The following ITGA11 variants were observed in gnomAD, a reference collection of about 807,000 sequenced individuals.
The protein encoded by ITGA11 is integrin subunit alpha 11.
A neutral mutation model predicts 141.9 loss-of-function variants in ITGA11; 97 were observed. That is an observed-to-expected ratio of 0.68 (90% CI 0.58 to 0.81). The LOEUF is 0.81. ITGA11 is among the 30% of genes least tolerant of loss of function. The pLI, the probability that ITGA11 is intolerant of heterozygous loss-of-function variation, is 0.00. For missense variants in ITGA11, 1,387 were observed against 1,559.2 expected (o/e 0.89, Z 1.86); for synonymous variants, 658 against 624.6 (o/e 1.05, Z -0.80).
At chr15:68,337,425 G>A (rs12908869) in intron 11 of ITGA11, among the ~76,000 whole-genome samples, 72,448 of 152,008 alleles carry the variant, frequency 0.48, 19,705 homozygotes, top group Middle Eastern at 0.67. Flanking sequence ...CCCCTGTAGG[G>A]CTCCTCTCCC....
chr15:68,315,074 T>C (rs746264815), intron 22 of ITGA11, among the ~76,000 whole-genome samples: 17 of 151,972 alleles, frequency 1.1e-4, no homozygotes, highest in African/African-American at 3.9e-4. Flanking sequence ...GACAGACAGA[T>C]AGACAGGAAG....
intron 7 of ITGA11, among the ~76,000 whole-genome samples, chr15:68,355,697 T>C (rs190420220): frequency 1.3e-5 from 2 of 152,222 alleles, no homozygotes; most frequent in East Asian, 3.9e-4. Context: ...TCCTCCCACC[T>C]CAGCCTCCCA....
chr15:68,329,649 G>C (rs117679668), intron 15 of ITGA11, among the ~76,000 whole-genome samples: 1 of 152,202 alleles, frequency 6.6e-6, no homozygotes, highest in Non-Finnish European at 1.5e-5. Flanking sequence ...GCTAGGTTCT[G>C]TGTACCTCCT....
chr15:68,384,316 A>G (rs1895932488), intron 2 of ITGA11, among the ~76,000 whole-genome samples: 1 of 152,024 alleles, frequency 6.6e-6, no homozygotes, highest in Non-Finnish European at 1.5e-5. Context: ...GAAGAGGAAA[A>G]AAAATCACCC....
Position 68,410,926 on chromosome 15 carries a change from G to A in ITGA11, c.53-7897C>T, listed in dbSNP as rs977875926. On this transcript the variant is annotated intron_variant, in intron 1 of 29. Transcript: ENST00000315757. ...GGAGAAGCAGGGATACTGCCCTTGG[G>A]GACCTGCTGCTCTCATAGGAGACCT... Among the ~76,000 whole-genome samples, 6 of 152,176 alleles carry A rather than the reference G, an allele frequency of 3.9e-5. No individual in the cohort carries two copies. In the East Asian group the frequency reaches 1.2e-3, roughly 29 times the overall value.
chr15:68,394,777 T>TA (rs1336963617), intron 2 of ITGA11, among the ~76,000 whole-genome samples: 1 of 152,094 alleles, frequency 6.6e-6, no homozygotes, highest in African/African-American at 2.4e-5. Context: ...ATTGAAAAGA[T>TA]AATAGGAGGC....
At chr15:68,387,621 TTC>T (rs1188664152) in intron 2 of ITGA11, among the ~76,000 whole-genome samples, 4 of 152,180 alleles carry the variant, frequency 2.6e-5, no homozygotes, top group Non-Finnish European at 5.9e-5. Flanking sequence ...ACTGGAGATT[TTC>T]TGTGTGTGTT....
Position 68,406,189 on chromosome 15 carries a change from T to C in ITGA11, c.53-3160A>G, listed in dbSNP as rs546657114. 4.6e-5 allele frequency among the ~76,000 whole-genome samples: 7 copies of C among 152,266 alleles called. No homozygotes were observed. The South Asian group carries it at 1.2e-3, about 27-fold the overall frequency. Reference sequence around the variant, plus strand: ...TCTATCAGTGCTTGTTGTGCAACCATGGCCAGAGGGACCCTTCCAAGACCT... The same window carrying C: ...TCTATCAGTGCTTGTTGTGCAACCACGGCCAGAGGGACCCTTCCAAGACCT... On this transcript the variant is annotated intron_variant, in intron 1 of 29. Transcript: ENST00000315757.
chr15:68,386,951 C>T (rs1367181500), intron 2 of ITGA11, among the ~76,000 whole-genome samples: 1 of 151,788 alleles, frequency 6.6e-6, no homozygotes, highest in Non-Finnish European at 1.5e-5. Flanking sequence ...TGGCCGCCCC[C>T]TCACCCCCTA....
intron 11 of ITGA11, among the ~76,000 whole-genome samples, chr15:68,336,452 A>G (rs901375738): frequency 6.6e-6 from 1 of 152,152 alleles, no homozygotes. Flanking sequence ...TGTCAGCCCC[A>G]TACATACAGC....
Position 68,305,384 on chromosome 15 carries a change from A to G in ITGA11, c.3382-1499T>C, listed in dbSNP as rs1893159519. On this transcript the variant is annotated intron_variant, in intron 28 of 29. Coordinates refer to ENST00000315757, the MANE Select transcript of ITGA11 (RefSeq NM_001004439.2). The surrounding 1 kb of genome is among the most constrained non-coding windows in gnomAD (Gnocchi z 4.6). The stretch of plus-strand genomic sequence containing the variant: ...TCTGGGTAGCCCTTATCACCAGTTG[A>G]TAACGTTTATATTTATGTTTATTGC... Among the ~76,000 whole-genome samples, 1 of 152,144 alleles carries G rather than the reference A, an allele frequency of 6.6e-6. No individual in the cohort carries two copies. Among genetic ancestry groups the G allele is most frequent in the South Asian group, 2.1e-4 (1 of 4,820 alleles).
Position 68,321,458 on chromosome 15 carries a change from C to T in ITGA11, c.2368G>A (p.Asp790Asn). 1 of 1,594,340 alleles carries T rather than the reference C, an allele frequency of 6.3e-7. No individual in the cohort carries two copies. Residue 790 changes from aspartate to asparagine, a missense_variant, in exon 19 of 30, where the codon GAC (aspartate) becomes AAC (asparagine). Transcript: ENST00000315757. The surrounding 1 kb of genome is among the most constrained non-coding windows in gnomAD (Gnocchi z 4.9). ...TCACTCCGGGCATCCAACACAAGGT[C>T]AGGGACACAGTGCTCATCCTCATTG... is the stretch of plus-strand genomic sequence containing the variant. ...GCNEDEHCVP[D>N]LVLDARSDLP... is the part of the protein sequence containing the mutation.
intron 1 of ITGA11, among the ~76,000 whole-genome samples, chr15:68,418,265 G>T (rs1400015413): frequency 6.6e-6 from 1 of 152,122 alleles, no homozygotes; most frequent in Non-Finnish European, 1.5e-5. Context: ...TAAATGAGAC[G>T]GAAAAAATGA....
At chr15:68,358,860 C>T (rs980632654) in intron 5 of ITGA11, among the ~76,000 whole-genome samples, 5 of 152,236 alleles carry the variant, frequency 3.3e-5, no homozygotes, top group Admixed American at 6.5e-5. Flanking sequence ...CACTACCAAT[C>T]GGCCAACGCT....
At chr15:68,409,155 C>T (rs942338371) in intron 1 of ITGA11, among the ~76,000 whole-genome samples, 49 of 152,184 alleles carry the variant, frequency 3.2e-4, no homozygotes, top group African/African-American at 1.1e-3. Context: ...TTCTTCCCTT[C>T]GTCCTACGCT....
In ITGA11 at chr15:68,328,732, CT is replaced by C. The variant is rs1271351572; in HGVS notation, c.1902-471del. On this transcript the variant is annotated intron_variant, in intron 15 of 29. Coordinates refer to ENST00000315757, the MANE Select transcript of ITGA11 (RefSeq NM_001004439.2). This position sits in a 1 kb window ranked among gnomAD's most constrained non-coding sequence, Gnocchi z 4.8. ...AAATTTTCATATGTGTGCACGCCCC[CT>C]GGGGATCATGTTAAAATGCAGATTT... Among the ~76,000 whole-genome samples, 2 of 152,184 alleles carry C rather than the reference CT, an allele frequency of 1.3e-5. No homozygotes were observed. The highest frequency in any genetic ancestry group is 4.8e-5 in the African/African-American group (2 of 41,438).
In ITGA11 at chr15:68,301,009, A is replaced by C. The variant is rs1443634512; in HGVS notation, c.*2050T>G. 4 of 152,228 alleles carry C rather than the reference A, an allele frequency of 2.6e-5. No individual in the cohort carries two copies. The highest frequency in any genetic ancestry group is 6.5e-5 in the Admixed American group (1 of 15,282). 9.4% of individuals were successfully genotyped at this position (152,228 alleles called of 1,614,324 possible). ...ATTTAGCCAGGTTACCCCATTCATA[A>C]GAGTGATGACGGAAATGGAATATGA... On this transcript the variant is annotated 3_prime_UTR_variant, in exon 30 of 30. Transcript: ENST00000315757. The surrounding 1 kb of genome is among the most constrained non-coding windows in gnomAD (Gnocchi z 4.4).
At position 68,381,519 on chromosome 15, in the gene ITGA11, G is replaced by C. The variant is rs560289864; in HGVS notation, c.165-12235C>G. Among the ~76,000 whole-genome samples the C allele has an allele frequency of 3.3e-5, 5 of 151,970 alleles. No homozygotes were observed. In the South Asian group the frequency reaches 1.0e-3, roughly 32 times the overall value. On this transcript the variant is annotated intron_variant, in intron 2 of 29. Transcript: ENST00000315757. Reference sequence around the variant, plus strand: ...TTGCGCTACAGGTATCCCTGACTTTGACCTAATCTTCTCAATCCTGAGGCA... The same window carrying C: ...TTGCGCTACAGGTATCCCTGACTTTCACCTAATCTTCTCAATCCTGAGGCA...
chr15:68,392,229 G>T (rs1019711912), intron 2 of ITGA11, among the ~76,000 whole-genome samples: 3 of 152,190 alleles, frequency 2.0e-5, no homozygotes, highest in African/African-American at 7.2e-5. Context: ...TTGATAAAAA[G>T]AATATGAAAG....
Sources: allele counts gnomAD v4.1 joint callset (sites outside exome capture counted in the v4.1 genomes callset), GRCh38; gene constraint gnomAD v4.1.1; non-coding constraint Gnocchi (gnomAD v3.1); transcripts MANE v1.5; gene names NCBI Gene and HGNC (gene_info 2026-07-23, HGNC 2026-07-21).